Variants in MAGI1 observed in about 807,000 individuals in gnomAD.
The protein encoded by MAGI1 is membrane associated guanylate kinase, WW and PDZ domain containing 1, also known as membrane-associated guanylate kinase, WW and PDZ domain-containing protein 1.
In MAGI1, 58 loss-of-function variants were observed where a neutral mutation model predicts 139.9. The ratio of observed to expected loss-of-function variants is 0.41; its 90% CI spans 0.34 to 0.52. MAGI1 has a LOEUF of 0.52. Ranked by LOEUF, MAGI1 falls within the 20% of genes least tolerant of loss-of-function variation. The pLI, the probability that MAGI1 is intolerant of heterozygous loss-of-function variation, is 0.12. For missense variants in MAGI1, 1,874 were observed against 1,901.6 expected, an observed-to-expected ratio of 0.99 and a Z score of 0.27; for synonymous variants, 812 against 737.9, an observed-to-expected ratio of 1.10 and a Z score of -1.63.
rs571281009 is a variant in MAGI1, at chr3:65,439,922, C to T, written c.1227G>A (p.Gln409=). ...GCTGCTGCTGCTGCTGCTGTTGCTG[C>T]TGCTGTTGCTGCTGCTGCTGCTGCT... ...QLEQQQQQQQ[Q]QQQQQQQQQQ... is the part of the protein sequence containing the mutation. The change falls in exon 9 of 23, where the codon CAG becomes CAA. Residue 409 remains glutamine, a synonymous_variant. Transcript: ENST00000402939. 7 of 1,610,290 alleles carry T rather than the reference C, an allele frequency of 4.3e-6. No individual in the cohort carries two copies. Among genetic ancestry groups the T allele is most frequent in the African/African-American group, 4.0e-5 (3 of 74,462 alleles).
chr3:65,453,042 T>C (rs992354681), intron 6 of MAGI1: 1 of 528,314 alleles, frequency 1.9e-6, no homozygotes, highest in Non-Finnish European at 3.4e-6. Flanking sequence ...ATGGAGATAT[T>C]AGTAAGCATC....
At chr3:65,385,985 C>G (rs1162612358) in intron 14 of MAGI1, among the ~76,000 whole-genome samples, 1 of 152,190 alleles carries the variant, frequency 6.6e-6, no homozygotes, top group Non-Finnish European at 1.5e-5. Flanking sequence ...TGCTTTCCAG[C>G]CAGCACTGGG....
intron 1 of MAGI1, among the ~76,000 whole-genome samples, chr3:65,749,746 T>C (rs2035991845): frequency 6.7e-6 from 1 of 150,224 alleles, no homozygotes; most frequent in Non-Finnish European, 1.5e-5. Flanking sequence ...GGGCCAATCA[T>C]TCGTTATGCA....
intron 10 of MAGI1, among the ~76,000 whole-genome samples, chr3:65,435,531 T>A (rs1947786659): frequency 6.6e-6 from 1 of 152,012 alleles, no homozygotes; most frequent in African/African-American, 2.4e-5. Flanking sequence ...TTTCACTCAA[T>A]AATAATGTCA....
chr3:65,627,792 C>A (rs1405492703), intron 1 of MAGI1, among the ~76,000 whole-genome samples: 1 of 151,964 alleles, frequency 6.6e-6, no homozygotes, highest in Non-Finnish European at 1.5e-5. Context: ...AGGCTTGAGC[C>A]ACTGAGCCCA....
chr3:65,747,127 C>A (rs897544799), intron 1 of MAGI1, among the ~76,000 whole-genome samples: 1 of 152,122 alleles, frequency 6.6e-6, no homozygotes, highest in Non-Finnish European at 1.5e-5. Context: ...AAAGTAAGAC[C>A]GTGTCTCAGT....
intron 1 of MAGI1, among the ~76,000 whole-genome samples, chr3:65,634,881 T>C (rs1249514217): frequency 6.6e-6 from 1 of 152,122 alleles, no homozygotes; most frequent in African/African-American, 2.4e-5. Flanking sequence ...TAATTTTTGG[T>C]TATTTGGGGA....
At chr3:65,747,909 G>A (rs1042271527) in intron 1 of MAGI1, among the ~76,000 whole-genome samples, 2 of 152,224 alleles carry the variant, frequency 1.3e-5, no homozygotes, top group African/African-American at 4.8e-5. Context: ...CAGCGGGCGA[G>A]GCAGGGGTGG....
rs10527666 is a variant in MAGI1, at chr3:65,795,696, TACACACACACAC to T, written c.314-173620_314-173609del. ...GAAACAGAACCATAAGATGATAAGA[TACACACACACAC>T]ACACACACACACACACACGGAGAGA... On this transcript the variant is annotated intron_variant, in intron 1 of 22. Transcript: ENST00000402939. Among the ~76,000 whole-genome samples the T allele has an allele frequency of 2.2e-4, 31 of 139,014 alleles. No homozygotes were observed. In the South Asian group the frequency reaches 4.8e-3, roughly 22 times the overall value. The allele number at this position is 139,014 out of a possible 152,430, so 91.2% of individuals were successfully genotyped here.
chr3:65,390,977 A>G (rs1318622228), intron 14 of MAGI1, among the ~76,000 whole-genome samples, 165 bp downstream of exon 14: 3 of 152,216 alleles, frequency 2.0e-5, no homozygotes, highest in Non-Finnish European at 4.4e-5. Flanking sequence ...TGGAGACTCC[A>G]TGAATAGCCA....
At chr3:65,416,798 T>C (rs1007992340) in intron 12 of MAGI1, among the ~76,000 whole-genome samples, 4 of 152,188 alleles carry the variant, frequency 2.6e-5, no homozygotes, top group African/African-American at 7.2e-5. Flanking sequence ...ATTAAGATTC[T>C]ACCTGCAAGA....
At chr3:66,007,740 A>G (rs78761967) in intron 1 of MAGI1, among the ~76,000 whole-genome samples, 1 of 152,154 alleles carries the variant, frequency 6.6e-6, no homozygotes, top group Non-Finnish European at 1.5e-5. Flanking sequence ...AACATAGCTC[A>G]TAAGTGAGAT....
rs141173790 is a variant in MAGI1, at chr3:65,923,426, C to T, written c.313+114570G>A. Among the ~76,000 whole-genome samples the T allele has an allele frequency of 4.7e-3, 720 of 152,046 alleles. 2 individuals carry two copies. Among genetic ancestry groups the T allele is most frequent in the Non-Finnish European group, 8.2e-3 (560 of 67,986 alleles). ...ATTTTTAGTAGAGATGGGGTTTCAC[C>T]ATGTTGGTCAGGATGGTCTCGATCT... is the stretch of plus-strand genomic sequence containing the variant. On this transcript the variant is annotated intron_variant, in intron 1 of 22. Transcript: ENST00000402939.
At chr3:65,367,068 C>A (rs1941491466) in intron 18 of MAGI1, among the ~76,000 whole-genome samples, 1 of 152,240 alleles carries the variant, frequency 6.6e-6, no homozygotes, top group Admixed American at 6.5e-5. Flanking sequence ...GTGTATTGGT[C>A]CTTTAGCAAA....
chr3:65,771,112 G>C (rs1362716947), intron 1 of MAGI1, among the ~76,000 whole-genome samples: 1 of 151,858 alleles, frequency 6.6e-6, no homozygotes, highest in Non-Finnish European at 1.5e-5. Context: ...TTCGAGACCA[G>C]CCTGGCCAAC....
At chr3:65,494,463 A>T (rs747630956) in intron 2 of MAGI1, among the ~76,000 whole-genome samples, 5 of 152,248 alleles carry the variant, frequency 3.3e-5, no homozygotes, top group Non-Finnish European at 7.3e-5. Context: ...TGGTTTACAC[A>T]TAAGTCAAGA....
At chr3:65,455,442 G>A (rs1949327572) in intron 5 of MAGI1, among the ~76,000 whole-genome samples, 1 of 152,138 alleles carries the variant, frequency 6.6e-6, no homozygotes, top group Non-Finnish European at 1.5e-5. Flanking sequence ...TGGGCGGGGT[G>A]GTACATGCCT....
chr3:65,794,366 T>C (rs140161085), intron 1 of MAGI1, among the ~76,000 whole-genome samples: 1 of 152,270 alleles, frequency 6.6e-6, no homozygotes, highest in East Asian at 1.9e-4. Flanking sequence ...CTAAGGCATT[T>C]GGTCCTTCTG....
rs2106959829 is a variant in MAGI1 at position 65,951,723 on chromosome 3, C to CT, written c.313+86272dup. ...GAACAGCTCTAGAGATTCCAATCAG[C>CT]TTAAGCCTTCAACTTTAAAACTCCT... is the stretch of plus-strand genomic sequence containing the variant. On this transcript the variant is annotated intron_variant, in intron 1 of 22. Coordinates refer to ENST00000402939, the MANE Select transcript of MAGI1 (RefSeq NM_001033057.2). Among the ~76,000 whole-genome samples the CT allele has an allele frequency of 1.3e-5, 2 of 152,314 alleles. 1 individual carries two copies. The highest frequency in any genetic ancestry group is 4.1e-4 in the South Asian group (2 of 4,832).
Sources: gnomAD v4.1 joint callset for allele counts (sites outside exome capture counted in the v4.1 genomes callset) on GRCh38, gnomAD v4.1.1 for gene constraint, MANE v1.5 for transcripts, NCBI Gene and HGNC (gene_info 2026-07-23, HGNC 2026-07-21) for gene names.